The following AGBL1 variants were observed in gnomAD, a reference collection of about 807,000 sequenced individuals.
AGBL1 encodes cytosolic carboxypeptidase 4.
AGBL1 carries 130 observed loss-of-function variants against 118.9 expected under a neutral mutation model. That is an observed-to-expected ratio of 1.09 (90% confidence interval 0.95 to 1.26). The LOEUF (loss-of-function observed/expected upper bound fraction) is 1.26. Among genes scored for constraint, AGBL1 ranks in the 50% most tolerant of loss-of-function variants. The pLI, the probability that AGBL1 is intolerant of heterozygous loss-of-function variation, is 0.00. For missense variants in AGBL1, 1,584 were observed against 1,298.1 expected (o/e 1.22, Z -3.38); for synonymous variants, 555 against 478.9 (o/e 1.16, Z -2.08).
At position 86,535,139 on chromosome 15, in the gene AGBL1, A is replaced by C. The variant is rs146160673; in HGVS notation, c.2686-10863A>C. ...GACTAGCATACAGGCATGTGAGCCAAGGAAAACAGTTTTCCCAGGAAAGAG... is the reference window on the plus strand; with the variant it reads ...GACTAGCATACAGGCATGTGAGCCACGGAAAACAGTTTTCCCAGGAAAGAG... On this transcript the variant is annotated intron_variant, in intron 19 of 22. Coordinates refer to ENST00000614907, the MANE Select transcript of AGBL1 (RefSeq NM_001386094.1). Among the ~76,000 whole-genome samples the C allele has an allele frequency of 3.2e-3, 485 of 152,336 alleles. 3 individuals carry two copies. Among genetic ancestry groups the C allele is most frequent in the Middle Eastern group, 0.027 (8 of 294 alleles).
chr15:86,755,061 A>C (rs541302746), intron 22 of AGBL1, among the ~76,000 whole-genome samples: 1 of 152,112 alleles, frequency 6.6e-6, no homozygotes, highest in Non-Finnish European at 1.5e-5. Context: ...TGCATCATCC[A>C]TATATATGTC....
At position 86,271,420 on chromosome 15, in the gene AGBL1, T is replaced by C. The variant is rs1182205555; in HGVS notation, c.1988-199T>C. ...TACCTCCCTTTCACAAGGATATTTA[T>C]GATTGCATTTAGGGCTCACCAGGAT... On this transcript the variant is annotated intron_variant, in intron 14 of 22. Transcript: ENST00000614907. Among the ~76,000 whole-genome samples the C allele has an allele frequency of 2.0e-5, 3 of 152,260 alleles. No individual in the cohort carries two copies. In the East Asian group the frequency reaches 5.8e-4, roughly 29 times the overall value.
chr15:86,934,083 A>G (rs557073637), intron 23 of AGBL1, among the ~76,000 whole-genome samples: 1 of 152,338 alleles, frequency 6.6e-6, no homozygotes, highest in Admixed American at 6.5e-5. Flanking sequence ...TTCCTGCACT[A>G]TACTTTTAAT....
intron 24 of AGBL1, among the ~76,000 whole-genome samples, chr15:87,003,344 G>A (rs2081461104): frequency 1.3e-5 from 2 of 151,302 alleles, no homozygotes; most frequent in African/African-American, 4.8e-5. Context: ...GATCATGGTG[G>A]ATAAGGTTTT....
In AGBL1 at chr15:86,997,366, A is replaced by G. The variant is rs562415431; in HGVS notation, c.3323+9278A>G. 1.1e-3 allele frequency among the ~76,000 whole-genome samples: 170 copies of G among 151,954 alleles called. 2 individuals carry two copies. The highest frequency in any genetic ancestry group is 3.8e-3 in the African/African-American group (156 of 41,444). ...TCACTTTTGTGTTTTCATTTTTTCC[A>G]TCTCTCTCCCTGAAGTATACTCTCC... On this transcript the variant is annotated intron_variant, in intron 24 of 24. Transcript: ENST00000441037.
rs2080334393 is a variant in AGBL1 at position 86,910,406 on chromosome 15, C to T, written c.*3112C>T. The stretch of plus-strand genomic sequence containing the variant: ...AGCAGTCAGATAAAGCTGCATTTGG[C>T]ATTCCTTGATGAAAAGGCTGAATTT... On this transcript the variant is annotated 3_prime_UTR_variant, in exon 23 of 23. Transcript: ENST00000614907. 3 of 152,164 alleles carry T rather than the reference C, an allele frequency of 2.0e-5. No homozygotes were observed. The highest frequency in any genetic ancestry group is 7.2e-5 in the African/African-American group (3 of 41,436). The allele number at this position is 152,164 out of a possible 1,614,324, so 9.4% of individuals were successfully genotyped here.
At chr15:86,286,749 A>ATATATATATATATATATATATATATATAT (rs60775713) in intron 16 of AGBL1, among the ~76,000 whole-genome samples, 20 of 145,426 alleles carry the variant, frequency 1.4e-4, no homozygotes, top group African/African-American at 2.9e-4. Context: ...ATATATATAT[A>ATATATATATATATATATATATATATATAT]AAACTCCATC....
In AGBL1 at chr15:86,729,055, T is replaced by G. The variant is rs548018964; in HGVS notation, c.3158+54619T>G. Among the ~76,000 whole-genome samples, 36 of 152,332 alleles carry G rather than the reference T, an allele frequency of 2.4e-4. No homozygotes were observed. The South Asian group carries it at 7.5e-3, about 32-fold the overall frequency. ...TCTACAGTTTTTAGTGTTTATGACC[T>G]GTTAACATTTATCTAAGCTCCCTCC... On this transcript the variant is annotated intron_variant, in intron 22 of 22. Coordinates refer to ENST00000614907, the MANE Select transcript of AGBL1 (RefSeq NM_001386094.1).
Position 86,363,492 on chromosome 15 carries a change from A to G in AGBL1, c.2375-33874A>G, listed in dbSNP as rs970710943. On this transcript the variant is annotated intron_variant, in intron 17 of 22. Transcript: ENST00000614907. The stretch of plus-strand genomic sequence containing the variant: ...AATTCTTCATGACCCTTTTGTATGG[A>G]TGATACATTTCCTCACCTTCTGGAA... 2.0e-5 allele frequency among the ~76,000 whole-genome samples: 3 copies of G among 151,990 alleles called. No individual in the cohort carries two copies. The South Asian group carries it at 6.2e-4, about 32-fold the overall frequency.
chr15:86,471,722 A>G (rs2082481909), intron 18 of AGBL1, among the ~76,000 whole-genome samples: 1 of 152,152 alleles, frequency 6.6e-6, no homozygotes, highest in Non-Finnish European at 1.5e-5. Context: ...CTATATTCAA[A>G]GTAAAATGTG....
rs769710280 is a variant in AGBL1 at position 86,271,632 on chromosome 15, C to T, written c.2001C>T (p.Thr667=). Reference sequence around the variant, plus strand: ...GATTTTGTGTAGGGATGCAGCCCACCCTATATTCTGTGAAGGAGGCTCTTC... The same window carrying T: ...GATTTTGTGTAGGGATGCAGCCCACTCTATATTCTGTGAAGGAGGCTCTTC... ...NSQFNYGMQP[T]LYSVKEALLG... is the part of the protein sequence containing the mutation. Residue 667 remains threonine, a synonymous_variant, in exon 15 of 23, where the codon ACC becomes ACT. Coordinates refer to ENST00000614907, the MANE Select transcript of AGBL1 (RefSeq NM_001386094.1). 22 of 1,611,446 alleles carry T rather than the reference C, an allele frequency of 1.4e-5. No individual in the cohort carries two copies. The highest frequency in any genetic ancestry group is 1.1e-5 in the South Asian group (1 of 91,028).
At chr15:86,269,530 C>T (rs1464312787) in intron 13 of AGBL1, among the ~76,000 whole-genome samples, 1 of 152,134 alleles carries the variant, frequency 6.6e-6, no homozygotes, top group Non-Finnish European at 1.5e-5. Context: ...TTGGAATGTT[C>T]TTAACCCAAA....
chr15:86,867,961 A>G (rs1046850117), intron 22 of AGBL1, among the ~76,000 whole-genome samples: 2 of 152,196 alleles, frequency 1.3e-5, no homozygotes, highest in Non-Finnish European at 2.9e-5. Flanking sequence ...CAGAGAGGTG[A>G]GCCCTTATTT....
chr15:86,484,932 C>G (rs1002874581), intron 18 of AGBL1, among the ~76,000 whole-genome samples: 2 of 152,176 alleles, frequency 1.3e-5, no homozygotes, highest in African/African-American at 4.8e-5. Context: ...ACATGCCCCA[C>G]TTTACTTAGA....
chr15:86,102,417 C>G (rs1277965833), intron 1 of AGBL1, among the ~76,000 whole-genome samples: 2 of 152,092 alleles, frequency 1.3e-5, no homozygotes, highest in African/African-American at 2.4e-5. Context: ...ATGGTAGATA[C>G]TGTTCTTTCA....
chr15:86,936,805 G>A (rs1221647476), intron 23 of AGBL1, among the ~76,000 whole-genome samples: 1 of 152,164 alleles, frequency 6.6e-6, no homozygotes, highest in Admixed American at 6.5e-5. Flanking sequence ...TGACAAGTGG[G>A]ATATAATTCA....
At chr15:86,261,052 G>A (rs1372830677) in intron 9 of AGBL1, among the ~76,000 whole-genome samples, 1 of 152,126 alleles carries the variant, frequency 6.6e-6, no homozygotes, top group African/African-American at 2.4e-5. Context: ...CAAATGAATG[G>A]GTGTGGCTCT....
rs2083289400 is a variant in AGBL1 at position 86,527,962 on chromosome 15, TCCATCCACCCAC to T, written c.2685+5035_2685+5046del. Among the ~76,000 whole-genome samples the T allele has an allele frequency of 3.9e-5, 6 of 152,288 alleles. 1 individual carries two copies. The South Asian group carries it at 1.2e-3, about 32-fold the overall frequency. On this transcript the variant is annotated intron_variant, in intron 19 of 22. Coordinates refer to ENST00000614907, the MANE Select transcript of AGBL1 (RefSeq NM_001386094.1). ...ATCCATTCATCCATCCAACCACTTA[TCCATCCACCCAC>T]CCATCCACCCAATGTAGGCAGTCAT...
intron 24 of AGBL1, among the ~76,000 whole-genome samples, chr15:86,993,424 T>G (rs945324721): frequency 1.3e-5 from 2 of 152,192 alleles, no homozygotes; most frequent in Non-Finnish European, 2.9e-5. Flanking sequence ...TTAACCCAGT[T>G]TTCCTAGGGT....
Sources: allele counts gnomAD v4.1 joint callset (sites outside exome capture counted in the v4.1 genomes callset), GRCh38; gene constraint gnomAD v4.1.1; transcripts MANE v1.5; gene names NCBI Gene and HGNC (gene_info 2026-07-23, HGNC 2026-07-21).